CDH18: variants seen among roughly 807,000 people sequenced by gnomAD.
The protein encoded by CDH18 is cadherin-18.
CDH18 carries 31 observed loss-of-function variants against 67.9 expected under a neutral mutation model. That is an observed-to-expected ratio of 0.46 (90% CI 0.34 to 0.62). CDH18 has a LOEUF of 0.62. CDH18 is among the 20% of genes least tolerant of loss of function. The pLI, the probability that CDH18 is intolerant of heterozygous loss-of-function variation, is 0.01. For missense variants in CDH18, 890 were observed against 975.5 expected (o/e 0.91, Z 1.17); for synonymous variants, 362 against 347.2 (o/e 1.04, Z -0.48).
intron 1 of CDH18, among the ~76,000 whole-genome samples, chr5:20,278,100 A>C (rs773833085): frequency 5.9e-4 from 90 of 152,172 alleles, no homozygotes; most frequent in Non-Finnish European, 1.1e-3. Flanking sequence ...TAGAAAGTTT[A>C]TTCAAAGGTC....
In CDH18 at chr5:19,914,850, A is replaced by G. The variant is rs555963847; in HGVS notation, c.-257+66210T>C. ...TTCTAAAAAGAAATGCACAAATACA[A>G]AAAAAATTTCTCCCCCAAATTTGTA... On this transcript the variant is annotated intron_variant, in intron 2 of 12. Coordinates refer to ENST00000382275, the MANE Select transcript of CDH18 (RefSeq NM_004934.5). Among the ~76,000 whole-genome samples, 9 of 152,174 alleles carry G rather than the reference A, an allele frequency of 5.9e-5. No homozygotes were observed. The East Asian group carries it at 1.7e-3, about 29-fold the overall frequency.
intron 6 of CDH18, 50 bp from the exon 7 acceptor site, chr5:19,591,294 A>T (rs1745093727): frequency 7.9e-7 from 1 of 1,262,650 alleles, no homozygotes; most frequent in Admixed American, 2.5e-5. Flanking sequence ...TTCATGAAAT[A>T]ATCTTACAAG....
At chr5:20,017,487 T>C (rs1285564463) in intron 2 of CDH18, among the ~76,000 whole-genome samples, 2 of 152,040 alleles carry the variant, frequency 1.3e-5, no homozygotes, top group African/African-American at 4.8e-5. Flanking sequence ...ATTGACCAAA[T>C]AAAAAAGTTA....
chr5:20,043,256 G>A (rs147768995), intron 2 of CDH18, among the ~76,000 whole-genome samples: 3 of 152,030 alleles, frequency 2.0e-5, no homozygotes, highest in Non-Finnish European at 4.4e-5. Context: ...TAAAGCCACC[G>A]CAGACTGCAT....
At chr5:19,522,468 T>C (rs991406297) in intron 9 of CDH18, among the ~76,000 whole-genome samples, 1 of 152,156 alleles carries the variant, frequency 6.6e-6, no homozygotes, top group Non-Finnish European at 1.5e-5. Context: ...AATAAGGACA[T>C]ACCATCCAGA....
At chr5:20,430,090 C>T (rs898130130) in intron 1 of CDH18, among the ~76,000 whole-genome samples, 4 of 152,086 alleles carry the variant, frequency 2.6e-5, no homozygotes, top group South Asian at 2.1e-4. Context: ...TAACACTCTA[C>T]GAATATTTTT....
At chr5:20,192,498 C>A (rs1266459775) in intron 2 of CDH18, among the ~76,000 whole-genome samples, 2 of 151,894 alleles carry the variant, frequency 1.3e-5, no homozygotes, top group African/African-American at 4.8e-5. Context: ...TACATTTAAG[C>A]CTTTAATGCA....
intron 1 of CDH18, among the ~76,000 whole-genome samples, chr5:20,547,964 T>C (rs1757431816): frequency 6.6e-6 from 1 of 151,954 alleles, no homozygotes; most frequent in Non-Finnish European, 1.5e-5. Flanking sequence ...AAATCTTATA[T>C]ATATTTGAAT....
chr5:20,118,638 CA>C (rs1748109940), intron 2 of CDH18, among the ~76,000 whole-genome samples: 1 of 152,090 alleles, frequency 6.6e-6, no homozygotes, highest in Non-Finnish European at 1.5e-5. Flanking sequence ...AGGCATAGTT[CA>C]AAAACACACA....
intron 1 of CDH18, among the ~76,000 whole-genome samples, chr5:20,388,351 G>C (rs375212773): frequency 1.3e-5 from 2 of 152,108 alleles, no homozygotes; most frequent in Non-Finnish European, 1.5e-5. Context: ...TAGTTTATTT[G>C]CATAGAGGTG....
At chr5:20,030,997 T>C (rs952359244) in intron 2 of CDH18, among the ~76,000 whole-genome samples, 3 of 152,084 alleles carry the variant, frequency 2.0e-5, no homozygotes, top group Non-Finnish European at 2.9e-5. Context: ...CCTCCTTGAT[T>C]CAGAGGATAC....
At chr5:20,267,435 A>T (rs1164483684) in intron 1 of CDH18, among the ~76,000 whole-genome samples, 1 of 152,144 alleles carries the variant, frequency 6.6e-6, no homozygotes, top group Admixed American at 6.5e-5. Flanking sequence ...TTTATTCCAT[A>T]TAAATTCTAG....
At chr5:20,338,337 G>A (rs999378191) in intron 1 of CDH18, among the ~76,000 whole-genome samples, 2 of 152,344 alleles carry the variant, frequency 1.3e-5, no homozygotes, top group Middle Eastern at 3.4e-3. Flanking sequence ...TGGAAAGAAA[G>A]TATTTGGAGG....
At chr5:20,215,657 A>G (rs1740710785) in intron 2 of CDH18, among the ~76,000 whole-genome samples, 1 of 151,986 alleles carries the variant, frequency 6.6e-6, no homozygotes, top group Non-Finnish European at 1.5e-5. Context: ...TCATTGTATC[A>G]TAAAAGCACA....
Position 19,608,185 on chromosome 5 carries a change from T to C in CDH18, c.811+4249A>G, listed in dbSNP as rs180846374. Among the ~76,000 whole-genome samples the C allele has an allele frequency of 6.6e-5, 10 of 151,862 alleles. No individual in the cohort carries two copies. In the East Asian group the frequency reaches 1.9e-3, roughly 29 times the overall value. ...ATATGTAGAATACTAAACATGCAGC[T>C]GCAGAATTTATCTTATTTCAAAGTG... On this transcript the variant is annotated intron_variant, in intron 6 of 12. Transcript: ENST00000382275.
At chr5:19,685,472 C>A (rs1760951525) in intron 5 of CDH18, among the ~76,000 whole-genome samples, 1 of 152,154 alleles carries the variant, frequency 6.6e-6, no homozygotes, top group African/African-American at 2.4e-5. Context: ...TTAGGAACAA[C>A]TTCCTTTCTG....
At chr5:19,818,667 A>G (rs185665968) in intron 3 of CDH18, among the ~76,000 whole-genome samples, 1 of 152,310 alleles carries the variant, frequency 6.6e-6, no homozygotes, top group Admixed American at 6.5e-5. Flanking sequence ...GGTGCAGCCT[A>G]TTGCTCCTAG....
chr5:20,343,998 C>G (rs1740494500), intron 1 of CDH18, among the ~76,000 whole-genome samples: 1 of 152,128 alleles, frequency 6.6e-6, no homozygotes, highest in African/African-American at 2.4e-5. Context: ...TGAGGAACCT[C>G]TGATCTGGAA....
chr5:20,507,725 A>G lies in CDH18; in HGVS notation c.-580+67737T>C, dbSNP rs537354817. Among the ~76,000 whole-genome samples the G allele has an allele frequency of 1.3e-5, 2 of 152,272 alleles. 1 individual carries two copies. The highest frequency in any genetic ancestry group is 3.9e-4 in the East Asian group (2 of 5,184). The stretch of plus-strand genomic sequence containing the variant: ...CATGTTATTATTACCACATTTTTAA[A>G]ATCCAGCTGAATAATACATATTATT... On this transcript the variant is annotated intron_variant, in intron 1 of 14. Transcript: ENST00000507958.
Sources: allele counts gnomAD v4.1 joint callset (sites outside exome capture counted in the v4.1 genomes callset), GRCh38; gene constraint gnomAD v4.1.1; transcripts MANE v1.5; gene names NCBI Gene and HGNC (gene_info 2026-07-23, HGNC 2026-07-21).